ZNF148: variants seen among roughly 807,000 people sequenced by gnomAD.
ZNF148 encodes the protein zinc finger protein 148, also known as Beta-Enolase Repressor Factor-1.
ZNF148 carries 7 observed loss-of-function variants against 67.7 expected under a neutral mutation model. The ratio of observed to expected loss-of-function variants is 0.10; its 90% CI spans 0.06 to 0.19. ZNF148 has a LOEUF of 0.19. Among genes scored for constraint, ZNF148 ranks in the 10% least tolerant of loss-of-function variants. The pLI, the probability that ZNF148 is intolerant of heterozygous loss-of-function variation, is 1.00. For missense variants in ZNF148, 583 were observed against 947.1 expected, an observed-to-expected ratio of 0.62 and a Z score of 5.05; for synonymous variants, 333 against 330.7, an observed-to-expected ratio of 1.01 and a Z score of -0.08.
chr3:125,293,350 T>C (rs1382386784), intron 4 of ZNF148, among the ~76,000 whole-genome samples: 1 of 152,154 alleles, frequency 6.6e-6, no homozygotes, highest in African/African-American at 2.4e-5. Context: ...TGTGCATGTG[T>C]GGGTTAGTAG....
At chr3:125,320,980 A>C (rs1940745177) in intron 3 of ZNF148, among the ~76,000 whole-genome samples, 1 of 152,224 alleles carries the variant, frequency 6.6e-6, no homozygotes, top group Non-Finnish European at 1.5e-5. Context: ...GATTAATACC[A>C]GAACCTTTAA....
chr3:125,317,564 C>T (rs1288097648), intron 3 of ZNF148, among the ~76,000 whole-genome samples: 4 of 149,828 alleles, frequency 2.7e-5, no homozygotes, highest in South Asian at 2.1e-4. Context: ...AAAGGAATGA[C>T]GTTAGCATTA....
intron 1 of ZNF148, among the ~76,000 whole-genome samples, chr3:125,347,550 T>C (rs944250788): frequency 6.9e-6 from 1 of 145,954 alleles, no homozygotes; most frequent in African/African-American, 2.6e-5. Flanking sequence ...TCAATCTTTT[T>C]TGTTAAATTT....
At position 125,232,221 on chromosome 3, in the gene ZNF148, G is replaced by A; in HGVS notation, c.*120C>T. The A allele has an allele frequency of 1.7e-6, 2 of 1,206,646 alleles. No individual in the cohort carries two copies. Among genetic ancestry groups the A allele is most frequent in the Non-Finnish European group, 1.1e-6 (1 of 894,506 alleles). The allele number at this position is 1,206,646 out of a possible 1,614,324, so 74.7% of individuals were successfully genotyped here. On this transcript the variant is annotated 3_prime_UTR_variant, in exon 9 of 9. Coordinates refer to ENST00000360647, the MANE Select transcript of ZNF148 (RefSeq NM_021964.3). This position sits in a 1 kb window ranked among gnomAD's most constrained non-coding sequence, Gnocchi z 4.2. ...TTGGATTATCTTGCTATTCATATCA[G>A]CTTAACTTGTTATTACGCATTGCTC... is the stretch of plus-strand genomic sequence containing the variant.
intron 7 of ZNF148, among the ~76,000 whole-genome samples, chr3:125,247,291 C>G (rs1014420490): frequency 2.0e-5 from 3 of 152,106 alleles, no homozygotes; most frequent in African/African-American, 7.2e-5. Flanking sequence ...GGGTCACTAA[C>G]TCCTCCCTCC....
At chr3:125,338,246 G>C (rs1040248097) in intron 1 of ZNF148, among the ~76,000 whole-genome samples, 1 of 152,046 alleles carries the variant, frequency 6.6e-6, no homozygotes, top group African/African-American at 2.4e-5. Context: ...CAGAAAAAAA[G>C]TAAACATCTT....
intron 4 of ZNF148, among the ~76,000 whole-genome samples, chr3:125,288,817 A>G (rs1277508900): frequency 6.6e-6 from 1 of 152,198 alleles, no homozygotes; most frequent in Non-Finnish European, 1.5e-5. Context: ...ACAACAGACC[A>G]TCACCAAATA....
At chr3:125,322,540 T>C (rs1394041843) in intron 3 of ZNF148, among the ~76,000 whole-genome samples, 1 of 152,058 alleles carries the variant, frequency 6.6e-6, no homozygotes, top group Non-Finnish European at 1.5e-5. Context: ...CAAACTCCTC[T>C]TAAAGGTAAA....
Position 125,323,296 on chromosome 3 carries a change from G to C in ZNF148, c.-17+13C>G. The C allele has an allele frequency of 1.7e-6, 1 of 602,262 alleles. No individual in the cohort carries two copies. The highest frequency in any genetic ancestry group is 2.9e-6 in the Non-Finnish European group (1 of 341,378). The allele number at this position is 602,262 out of a possible 1,614,324, so 37.3% of individuals were successfully genotyped here. ...ATTTATTCAAGATTATGAAAAATAA[G>C]TATTAAAATTACCCGAGACTAAGGT... On this transcript the variant is annotated intron_variant, in intron 3 of 8. Transcript: ENST00000360647.
intron 4 of ZNF148, among the ~76,000 whole-genome samples, chr3:125,298,172 G>C (rs1003811006): frequency 4.6e-5 from 7 of 152,148 alleles, no homozygotes; most frequent in South Asian, 2.1e-4. Context: ...TTAGGAACTA[G>C]AGGAGTGCTG....
chr3:125,360,985 T>C (rs1942519582), intron 1 of ZNF148, among the ~76,000 whole-genome samples: 2 of 151,822 alleles, frequency 1.3e-5, no homozygotes, highest in Admixed American at 1.3e-4. Flanking sequence ...GAGCCATGAC[T>C]GGACCACTGC....
intron 2 of ZNF148, among the ~76,000 whole-genome samples, chr3:125,330,860 T>C (rs774664735): frequency 4.6e-5 from 7 of 152,110 alleles, no homozygotes; most frequent in Non-Finnish European, 7.4e-5. Flanking sequence ...GAGAGGATCA[T>C]TTGCCTTCCT....
rs138767555 is a variant in ZNF148, at chr3:125,271,339, T to C, written c.667+6387A>G. Reference sequence around the variant, plus strand: ...GCACATCTTGCCTCTGCCCACTCCATTGTGAAATCCGGTCTTACCCCTACA... The same window carrying C: ...GCACATCTTGCCTCTGCCCACTCCACTGTGAAATCCGGTCTTACCCCTACA... On this transcript the variant is annotated intron_variant, in intron 7 of 8. Coordinates refer to ENST00000360647, the MANE Select transcript of ZNF148 (RefSeq NM_021964.3). 2.1e-3 allele frequency among the ~76,000 whole-genome samples: 327 copies of C among 152,260 alleles called. 1 individual carries two copies. Among genetic ancestry groups the C allele is most frequent in the African/African-American group, 7.3e-3 (303 of 41,562 alleles).
At chr3:125,363,009 C>G (rs957590447) in intron 1 of ZNF148, among the ~76,000 whole-genome samples, 3 of 152,122 alleles carry the variant, frequency 2.0e-5, no homozygotes, top group African/African-American at 4.8e-5. Context: ...CAAGGTCTGA[C>G]CTGGAGCCTC....
chr3:125,273,373 G>A (rs180856392), intron 7 of ZNF148, among the ~76,000 whole-genome samples: 1 of 152,040 alleles, frequency 6.6e-6, no homozygotes, highest in East Asian at 1.9e-4. Context: ...TTTTTACAGA[G>A]AGAACTGTAT....
At chr3:125,345,005 G>C (rs1359252386) in intron 1 of ZNF148, among the ~76,000 whole-genome samples, 1 of 152,110 alleles carries the variant, frequency 6.6e-6, no homozygotes, top group African/African-American at 2.4e-5. Flanking sequence ...AGAATGGAAA[G>C]ACATGACAAT....
chr3:125,242,648 A>G (rs944352027), intron 7 of ZNF148, among the ~76,000 whole-genome samples: 1 of 152,206 alleles, frequency 6.6e-6, no homozygotes, highest in Admixed American at 6.5e-5. Flanking sequence ...AAAACAAAAA[A>G]AACAAAAATG....
At chr3:125,245,956 G>A (rs1936580252) in intron 7 of ZNF148, among the ~76,000 whole-genome samples, 1 of 152,292 alleles carries the variant, frequency 6.6e-6, no homozygotes, top group South Asian at 2.1e-4. Context: ...TGTCTGACCT[G>A]TCTTCGCAAT....
At chr3:125,363,670 T>C (rs6807980) in intron 1 of ZNF148, among the ~76,000 whole-genome samples, 110,829 of 147,742 alleles carry the variant, frequency 0.75, 41,959 homozygotes, top group African/African-American at 0.85. Context: ...TTTTTTTTTT[T>C]TTTTGAGACA....
Sources: allele counts gnomAD v4.1 joint callset (sites outside exome capture counted in the v4.1 genomes callset), GRCh38; gene constraint gnomAD v4.1.1; non-coding constraint Gnocchi (gnomAD v3.1); transcripts MANE v1.5; gene names NCBI Gene and HGNC (gene_info 2026-07-23, HGNC 2026-07-21).